The following MAP4K2 variants were observed in gnomAD, a reference collection of about 807,000 sequenced individuals.
MAP4K2 encodes B lymphocyte serine/threonine protein kinase.
A neutral mutation model predicts 125.3 loss-of-function variants in MAP4K2; 85 were observed. The observed-to-expected ratio is 0.68, with a 90% CI of 0.57 to 0.81. MAP4K2 has a LOEUF of 0.81. MAP4K2 is among the 40% of genes least tolerant of loss of function. The probability of loss-of-function intolerance (pLI) is 0.00; values close to 1 mark genes in which losing one functional copy is unlikely to be tolerated. For synonymous variants in MAP4K2, 479 were observed against 445.1 expected (o/e 1.08, Z -0.96); for missense variants, 923 against 1,056.4 (o/e 0.87, Z 1.75).
intron 10 of MAP4K2, 108 bp from the exon 11 acceptor site, chr11:64,800,500 G>T: frequency 7.6e-7 from 1 of 1,319,276 alleles, no homozygotes; most frequent in Non-Finnish European, 1.1e-6. Context: ...GGCCCACCCA[G>T]GAAGGAGCCA....
chr11:64,789,565 A>T lies in MAP4K2; in HGVS notation c.2435T>A (p.Ile812Asn). 1 of 1,597,520 alleles carries T rather than the reference A, an allele frequency of 6.3e-7. No individual in the cohort carries two copies. The highest frequency in any genetic ancestry group is 8.5e-7 in the Non-Finnish European group (1 of 1,171,898). Residue 812 changes from isoleucine to asparagine, a missense_variant, in exon 32 of 32, where the codon ATC becomes AAC. Ile to Asn is a moderately radical substitution (Grantham distance 149). Transcript: ENST00000294066. ...DNPEAHSNLY[I>N]LTGHQSTY Reference sequence around the variant, plus strand: ...GTAGGTGCTCTGGTGGCCCGTGAGGATGTAGAGGTTGCTGTGCGCCTCTGG... The same window carrying T: ...GTAGGTGCTCTGGTGGCCCGTGAGGTTGTAGAGGTTGCTGTGCGCCTCTGG...
Position 64,787,228 on chromosome 11 carries a change from AC to A in MAP4K2, c.*2308del, listed in dbSNP as rs1178691137. The A allele has an allele frequency of 2.0e-5, 3 of 151,786 alleles. No homozygotes were observed. Among genetic ancestry groups the A allele is most frequent in the Non-Finnish European group, 4.4e-5 (3 of 67,966 alleles). 9.4% of individuals were successfully genotyped at this position (151,786 alleles called of 1,614,324 possible). On this transcript the variant is annotated 3_prime_UTR_variant, in exon 32 of 32. Coordinates refer to ENST00000294066, the MANE Select transcript of MAP4K2 (RefSeq NM_004579.5). ...GTATTTTTAGTAGAGACGGGGTTTC[AC>A]CATGTTGGCCAGGCTGGTCTCGAAC...
chr11:64,795,081 A>ATTT (rs141351266), intron 24 of MAP4K2, among the ~76,000 whole-genome samples: 1 of 121,676 alleles, frequency 8.2e-6, no homozygotes, highest in Non-Finnish European at 1.7e-5. Flanking sequence ...TAAGTTTTCG[A>ATTT]TTTTTTTTTT....
intron 24 of MAP4K2, among the ~76,000 whole-genome samples, chr11:64,795,336 C>T (rs1037898783): frequency 6.6e-6 from 1 of 152,020 alleles, no homozygotes; most frequent in African/African-American, 2.4e-5. Context: ...CCCACCTCGG[C>T]CTCTCAAAGT....
In MAP4K2 at chr11:64,790,250, T is replaced by C. The variant is rs756467759; in HGVS notation, c.2186A>G (p.Gln729Arg). The change falls in exon 29 of 32, where the codon CAG (glutamine) becomes CGG (arginine). Residue 729 changes from glutamine (Q) to arginine (R), a missense_variant. By Grantham distance (43) the Gln-to-Arg change is conservative. Around this residue, in one of 2 missense-constraint regions of MAP4K2, gnomAD observed 90 missense variants for 144.9 expected, o/e 0.62. Transcript: ENST00000294066. The part of the protein sequence containing the change: ...FERCVRIVNM[Q>R]GEPTATLAPE... The stretch of plus-strand genomic sequence containing the variant: ...TGCCAGTGTGGCCGTGGGCTCGCCC[T>C]GCATGTTGACAATCCTCACACAGCC... 6.2e-6 allele frequency: 10 copies of C among 1,614,196 alleles called. No individual in the cohort carries two copies. The highest frequency in any genetic ancestry group is 8.5e-6 in the Non-Finnish European group (10 of 1,180,008).
intron 2 of MAP4K2, 95 bp from the exon 3 acceptor site, chr11:64,802,748 G>A (rs1941296009): frequency 1.4e-6 from 2 of 1,474,352 alleles, no homozygotes; most frequent in Non-Finnish European, 9.3e-7. Context: ...CTCCCTCCGG[G>A]CCAGGCAGGT....
chr11:64,802,449 C>G lies in MAP4K2; in HGVS notation c.280G>C (p.Gly94Arg), dbSNP rs149943726. The G allele has an allele frequency of 3.5e-5, 53 of 1,505,420 alleles. No individual in the cohort carries two copies. The highest frequency in any genetic ancestry group is 1.4e-4 in the Admixed American group (6 of 43,040). The allele number at this position is 1,505,420 out of a possible 1,614,324, so 93.3% of individuals were successfully genotyped here. ...TAAATCTCCTGCAGGGAGCCCCCTC[C>G]GCAGAACTCCATGCAGATCCACAAG... ...DRLWICMEFCGGGSLQEIYHA... is the reference protein window; with the variant it reads ...DRLWICMEFCRGGSLQEIYHA... The change falls in exon 4 of 32, where the codon GGA (glycine) becomes CGA (arginine). Residue 94 changes from glycine to arginine, a missense_variant. This residue lies in a region of MAP4K2 where 833 missense variants were observed against 911.4 expected (regional missense o/e 0.91). Transcript: ENST00000294066.
chr11:64,801,225 C>A, intron 7 of MAP4K2, 42 bp from the exon 8 acceptor site: 1 of 1,597,910 alleles, frequency 6.3e-7, no homozygotes, highest in East Asian at 2.3e-5. Flanking sequence ...CTCTGGCTGC[C>A]ACTCACCCTC....
intron 10 of MAP4K2, 21 bp from the exon 11 acceptor site, chr11:64,800,413 C>G: frequency 6.2e-7 from 1 of 1,612,770 alleles, no homozygotes; most frequent in Non-Finnish European, 8.5e-7. Flanking sequence ...CAAGAGCCCC[C>G]CAGCGCCAGA....
intron 26 of MAP4K2, 23 bp downstream of exon 26, chr11:64,792,149 G>A (rs1208903543): frequency 1.3e-6 from 2 of 1,593,478 alleles, no homozygotes; most frequent in Non-Finnish European, 1.7e-6. Context: ...GGGTGCCCTG[G>A]GCCTCCCCCC....
rs754767619 is a variant in MAP4K2, at chr11:64,796,377, G to A, written c.1647C>T (p.His549=). 1.2e-6 allele frequency: 2 copies of A among 1,605,458 alleles called. No individual in the cohort carries two copies. Among genetic ancestry groups the A allele is most frequent in the Middle Eastern group, 1.7e-4 (1 of 6,020 alleles). Residue 549 remains histidine (H), a synonymous_variant, in exon 24 of 32, where the codon CAC becomes CAT. Transcript: ENST00000294066. ...GGCCTGGGAGGTCATGGGCCCAGAT[G>A]TGCGTGGATTTCCCTGCAGAAACAG... ...VLLSLSGKST[H]IWAHDLPGLF...
In MAP4K2 at chr11:64,792,346, G is replaced by A. The variant is rs200514183; in HGVS notation, c.1810+18C>T. On this transcript the variant is annotated intron_variant, in intron 25 of 31. Transcript: ENST00000294066. ...CCCCCACCAGGCCCCGCCCCACCCCGCCCAGCCCATTTCTTACCCACACGA... is the reference window on the plus strand; with the variant it reads ...CCCCCACCAGGCCCCGCCCCACCCCACCCAGCCCATTTCTTACCCACACGA... 9.7e-5 allele frequency: 48 copies of A among 496,580 alleles called. No homozygotes were observed. The highest frequency in any genetic ancestry group is 7.2e-4 in the Middle Eastern group (2 of 2,766). 30.8% of individuals were successfully genotyped at this position (496,580 alleles called of 1,614,324 possible).
rs1940354256 is a variant in MAP4K2 at position 64,789,637 on chromosome 11, G to A, written c.2376-13C>T. 3.7e-6 allele frequency: 6 copies of A among 1,611,342 alleles called. No homozygotes were observed. Among genetic ancestry groups the A allele is most frequent in the Non-Finnish European group, 5.1e-6 (6 of 1,178,692 alleles). On this transcript the variant is annotated splice_polypyrimidine_tract_variant and intron_variant, in intron 31 of 31. Coordinates refer to ENST00000294066, the MANE Select transcript of MAP4K2 (RefSeq NM_004579.5). ...CAGGATGATGTCTCTGGAGGAGAGA[G>A]GAGTAGGGGGCAGGGCGGGAGACAC...
rs1052591123 is a variant in MAP4K2 at position 64,800,385 on chromosome 11, T to C, written c.733A>G (p.Asn245Asp). Residue 245 changes from asparagine to aspartate, a missense_variant, in exon 11 of 32, where the codon AAT (asparagine) becomes GAT (aspartate). Around this residue, in one of 2 missense-constraint regions of MAP4K2, gnomAD observed 833 missense variants for 911.4 expected, o/e 0.91. Transcript: ENST00000294066. ...KLRDKTRWTQNFHHFLKLALT... is the reference protein window; with the variant it reads ...KLRDKTRWTQDFHHFLKLALT... ...GCCAGTTTGAGAAAGTGGTGGAAAT[T>C]CTGGGTCCTAGAAGGCACAAGAGCC... is the stretch of plus-strand genomic sequence containing the variant. The C allele has an allele frequency of 6.2e-7, 1 of 1,614,064 alleles. No individual in the cohort carries two copies. The highest frequency in any genetic ancestry group is 8.5e-7 in the Non-Finnish European group (1 of 1,180,010).
chr11:64,800,597 C>T (rs994039693), intron 10 of MAP4K2, among the ~76,000 whole-genome samples, 167 bp downstream of exon 10: 1 of 152,264 alleles, frequency 6.6e-6, no homozygotes, highest in Non-Finnish European at 1.5e-5. Context: ...TTCCTGACCA[C>T]GCTGGGTCTT....
At chr11:64,797,758 T>G (rs1319806599) in intron 15 of MAP4K2, 94 bp from the exon 16 acceptor site, 1 of 1,230,140 alleles carries the variant, frequency 8.1e-7, no homozygotes, top group South Asian at 1.7e-5. Context: ...CAGGCCGGAG[T>G]GCAGTGGCGC....
chr11:64,802,250 T>C (rs1941241015), intron 4 of MAP4K2, 129 bp from the exon 5 acceptor site: 1 of 1,059,354 alleles, frequency 9.4e-7, no homozygotes, highest in Admixed American at 2.2e-5. Context: ...CCTCCCAGTT[T>C]AGTCTAGGAT....
intron 24 of MAP4K2, among the ~76,000 whole-genome samples, chr11:64,796,024 C>A (rs1040867541): frequency 3.3e-5 from 5 of 152,222 alleles, no homozygotes; most frequent in Non-Finnish European, 7.3e-5. Context: ...AACTGTCAAG[C>A]CCCACATCCG....
chr11:64,798,954 T>C, intron 14 of MAP4K2, 117 bp from the exon 15 acceptor site: 2 of 850,102 alleles, frequency 2.4e-6, no homozygotes, highest in Non-Finnish European at 3.7e-6. Context: ...AAAGGTGAGA[T>C]GGAAACACAC....
Sources: gnomAD v4.1 joint callset for allele counts (sites outside exome capture counted in the v4.1 genomes callset) on GRCh38, gnomAD v4.1.1 for gene constraint, gnomAD v4.1.1 regional missense constraint, MANE v1.5 for transcripts, NCBI Gene and HGNC (gene_info 2026-07-23, HGNC 2026-07-21) for gene names.